The following ANKRD30B variants were observed in gnomAD, a reference collection of about 807,000 sequenced individuals.
ANKRD30B encodes the protein ankyrin repeat domain-containing protein 30B.
ANKRD30B carries 144 observed loss-of-function variants against 202.2 expected under a neutral mutation model. The ratio of observed to expected loss-of-function variants is 0.71; its 90% CI spans 0.62 to 0.82. ANKRD30B has a LOEUF of 0.82. Among genes scored for constraint, ANKRD30B ranks in the 40% least tolerant of loss-of-function variants. The pLI, the probability that ANKRD30B is intolerant of heterozygous loss-of-function variation, is 0.00. For synonymous variants in ANKRD30B, 508 were observed against 561.3 expected, an observed-to-expected ratio of 0.91 and a Z score of 1.34; for missense variants, 1,487 against 1,669.1, an observed-to-expected ratio of 0.89 and a Z score of 1.90.
intron 22 of ANKRD30B, 25 bp downstream of exon 22, chr18:14,799,320 C>A (rs757366631): frequency 1.3e-5 from 20 of 1,492,366 alleles, no homozygotes; most frequent in African/African-American, 1.1e-4. Flanking sequence ...TTTAATTTTA[C>A]TCTGGAATTA....
chr18:14,754,997 G>A lies in ANKRD30B; in HGVS notation c.609G>A (p.Glu203=), dbSNP rs1258301563. ...TKNANANAFN[E]SKCTALMLAI... is the part of the protein sequence containing the mutation. ...ATGCAAATGCAAACGCATTTAATGAGTCTAAATGGTATGGTAGTTCTTTTT... is the reference window on the plus strand; with the variant it reads ...ATGCAAATGCAAACGCATTTAATGAATCTAAATGGTATGGTAGTTCTTTTT... The change falls in exon 4 of 44, where the codon GAG becomes GAA. Residue 203 remains glutamate (E), a synonymous_variant. Transcript: ENST00000690538. 3 of 1,498,966 alleles carry A rather than the reference G, an allele frequency of 2.0e-6. 1 individual carries two copies. In the South Asian group the frequency reaches 4.0e-5, roughly 20 times the overall value. The allele number at this position is 1,498,966 out of a possible 1,614,324, so 92.9% of individuals were successfully genotyped here.
intron 18 of ANKRD30B, among the ~76,000 whole-genome samples, 187 bp from the exon 19 acceptor site, chr18:14,797,474 T>C (rs1160763799): frequency 3.3e-5 from 5 of 152,180 alleles, no homozygotes; most frequent in South Asian, 2.1e-4. Flanking sequence ...TCCATAGCAA[T>C]AGTTTCAGGG....
downstream of ANKRD30B, among the ~76,000 whole-genome samples, chr18:14,855,930 A>T: frequency 1.1e-5 from 1 of 87,396 alleles, no homozygotes; most frequent in East Asian, 4.0e-4. Flanking sequence ...CTCCCAGATG[A>T]GGCGGCCTGG....
intron 39 of ANKRD30B, among the ~76,000 whole-genome samples, chr18:14,846,429 T>C (rs983387240): frequency 1.9e-4 from 29 of 151,942 alleles, no homozygotes; most frequent in Admixed American, 1.3e-3. Context: ...ATCTAGAATA[T>C]AGTCCTTGAG....
At chr18:14,892,951 G>A in the ANKRD30B span, among the ~76,000 whole-genome samples, 1 of 151,868 alleles carries the variant, frequency 6.6e-6, no homozygotes, top group Non-Finnish European at 1.5e-5. Flanking sequence ...AAATAAGGTG[G>A]TGAACATTTT....
chr18:14,938,719 C>T, the ANKRD30B span, among the ~76,000 whole-genome samples: 4 of 152,052 alleles, frequency 2.6e-5, no homozygotes, highest in Non-Finnish European at 5.9e-5. Flanking sequence ...TAAAGGGCAC[C>T]CATGAGGCGT....
At chr18:14,873,945 G>A in the ANKRD30B span, among the ~76,000 whole-genome samples, 1 of 152,098 alleles carries the variant, frequency 6.6e-6, no homozygotes, top group African/African-American at 2.4e-5. Context: ...TTTCTCCTGG[G>A]GAAACACCCG....
In ANKRD30B at chr18:14,822,694, T is replaced by C. The variant is rs1289731089; in HGVS notation, c.2743+17T>C. On this transcript the variant is annotated intron_variant, in intron 32 of 43. Coordinates refer to ENST00000690538, the MANE Select transcript of ANKRD30B (RefSeq NM_001367607.2). ...TCAAAGCAGGTAAATTTTGTAATTT[T>C]AATTTTACTGTGGAATTAAGAACAT... The C allele has an allele frequency of 3.3e-6, 4 of 1,204,134 alleles. No individual in the cohort carries two copies. The African/African-American group carries it at 6.2e-5, about 19-fold the overall frequency. 74.6% of individuals were successfully genotyped at this position (1,204,134 alleles called of 1,614,324 possible).
intron 6 of ANKRD30B, among the ~76,000 whole-genome samples, chr18:14,762,176 G>T (rs1915366303): frequency 6.6e-6 from 1 of 152,160 alleles, no homozygotes; most frequent in Admixed American, 6.5e-5. Flanking sequence ...TAAGGAGAAG[G>T]CAGAGGAGAG....
chr18:14,894,611 C>G, the ANKRD30B span, among the ~76,000 whole-genome samples: 1 of 151,890 alleles, frequency 6.6e-6, no homozygotes, highest in Non-Finnish European at 1.5e-5. Flanking sequence ...TAATCTTGTC[C>G]TTGATCAAGT....
chr18:14,867,236 G>A, the ANKRD30B span, among the ~76,000 whole-genome samples: 1 of 149,018 alleles, frequency 6.7e-6, no homozygotes. Context: ...TGGTTTGGGG[G>A]TGCTATCAGG....
At chr18:14,920,388 A>T in the ANKRD30B span, among the ~76,000 whole-genome samples, 2 of 152,170 alleles carry the variant, frequency 1.3e-5, no homozygotes, top group East Asian at 3.9e-4. Flanking sequence ...GTAACTTGGA[A>T]GGCTTAATTA....
intron 7 of ANKRD30B, among the ~76,000 whole-genome samples, chr18:14,766,820 G>A (rs529615472): frequency 6.6e-6 from 1 of 152,282 alleles, no homozygotes; most frequent in South Asian, 2.1e-4. Context: ...AGAAGACTTG[G>A]TAAAGGAGAT....
intron 16 of ANKRD30B, among the ~76,000 whole-genome samples, chr18:14,792,668 T>G (rs2143938995): frequency 6.6e-6 from 1 of 151,934 alleles, no homozygotes; most frequent in Middle Eastern, 3.4e-3. Flanking sequence ...ATCATGAGGA[T>G]TACTAGAATT....
At chr18:14,753,942 A>G (rs1405447293) in intron 3 of ANKRD30B, among the ~76,000 whole-genome samples, 1 of 151,266 alleles carries the variant, frequency 6.6e-6, no homozygotes, top group East Asian at 1.9e-4. Context: ...TTAAGTAGCA[A>G]TTACAATAGC....
intron 16 of ANKRD30B, among the ~76,000 whole-genome samples, chr18:14,796,020 G>T (rs1018502792): frequency 6.6e-6 from 1 of 152,048 alleles, no homozygotes; most frequent in Admixed American, 6.6e-5. Flanking sequence ...TTTGATGAAG[G>T]TTATTTTTTA....
chr18:14,924,204 C>T, the ANKRD30B span, among the ~76,000 whole-genome samples: 1 of 152,176 alleles, frequency 6.6e-6, no homozygotes, highest in Admixed American at 6.5e-5. Flanking sequence ...ATAAAATGAA[C>T]AGTAGAACTG....
In ANKRD30B at chr18:14,752,680, G is replaced by A; in HGVS notation, c.336G>A (p.Lys112=). 1 of 1,596,832 alleles carries A rather than the reference G, an allele frequency of 6.3e-7. No homozygotes were observed. Among genetic ancestry groups the A allele is most frequent in the Non-Finnish European group, 8.5e-7 (1 of 1,169,802 alleles). Residue 112 remains lysine (K), a splice_region_variant and synonymous_variant, in exon 2 of 44, where the codon AAG becomes AAA. Coordinates refer to ENST00000690538, the MANE Select transcript of ANKRD30B (RefSeq NM_001367607.2). ...GCGAAGGGAGGACACCTCTGATGAAGGTAAATAGTAGCCAGTTTTTTCAGC... is the reference window on the plus strand; with the variant it reads ...GCGAAGGGAGGACACCTCTGATGAAAGTAAATAGTAGCCAGTTTTTTCAGC... ...LDGEGRTPLM[K]ALQCEREACA...
chr18:14,770,372 T>G (rs555294066), intron 8 of ANKRD30B, among the ~76,000 whole-genome samples: 1 of 152,318 alleles, frequency 6.6e-6, no homozygotes, highest in South Asian at 2.1e-4. Context: ...TCAAAGTGAC[T>G]TATTTAAATA....
Sources: gnomAD v4.1 joint callset for allele counts (sites outside exome capture counted in the v4.1 genomes callset) on GRCh38, gnomAD v4.1.1 for gene constraint, MANE v1.5 for transcripts, NCBI Gene and HGNC (gene_info 2026-07-23, HGNC 2026-07-21) for gene names.